Variants in PCDH9 observed in about 807,000 individuals in gnomAD.
The protein encoded by PCDH9 is protocadherin 9.
Under a neutral mutation model 70.6 loss-of-function variants are expected in PCDH9, and 24 were observed. The ratio of observed to expected loss-of-function variants is 0.34; its 90% CI spans 0.25 to 0.48. PCDH9 has a LOEUF of 0.48. PCDH9 is among the 20% of genes least tolerant of loss of function. The probability of loss-of-function intolerance (pLI) is 0.99; values close to 1 mark genes in which losing one functional copy is unlikely to be tolerated. For missense variants in PCDH9, 1,281 were observed against 1,503.6 expected (o/e 0.85, Z 2.45); for synonymous variants, 562 against 558.5 (o/e 1.01, Z -0.09).
At chr13:66,407,768 C>A (rs1420858725) in intron 4 of PCDH9, among the ~76,000 whole-genome samples, 4 of 152,060 alleles carry the variant, frequency 2.6e-5, no homozygotes. Flanking sequence ...TTCTTGACAT[C>A]CCTGATTATT....
intron 4 of PCDH9, among the ~76,000 whole-genome samples, chr13:66,394,291 T>A (rs987666245): frequency 2.0e-5 from 3 of 152,194 alleles, no homozygotes; most frequent in African/African-American, 7.2e-5. Context: ...TTAAGAAATA[T>A]CAGCATCTAG....
At position 67,226,396 on chromosome 13, in the gene PCDH9, G is replaced by T. The variant is rs938062350; in HGVS notation, c.2045C>A (p.Thr682Asn). ...SPVVISPPSN[T>N]SFKLVPLSAI... Reference sequence around the variant, plus strand: ...TGAGAGGGGCACCAACTTAAAGGAAGTATTAGACGGTGGAGAAATGACAAC... The same window carrying T: ...TGAGAGGGGCACCAACTTAAAGGAATTATTAGACGGTGGAGAAATGACAAC... The change falls in exon 2 of 5, where the codon ACT becomes AAT. Residue 682 changes from threonine to asparagine, a missense_variant. Physicochemically the swap from Thr to Asn is moderately conservative, Grantham distance 65. Transcript: ENST00000377865. The surrounding 1 kb of genome is among the most constrained non-coding windows in gnomAD (Gnocchi z 5.0). The T allele has an allele frequency of 1.2e-6, 2 of 1,614,188 alleles. No individual in the cohort carries two copies. The highest frequency in any genetic ancestry group is 1.7e-6 in the Non-Finnish European group (2 of 1,180,030).
intron 4 of PCDH9, among the ~76,000 whole-genome samples, chr13:66,310,435 G>C (rs1166893880): frequency 2.0e-5 from 3 of 152,004 alleles, no homozygotes; most frequent in African/African-American, 4.8e-5. Context: ...TTAAGTAGTA[G>C]AATACTTGAG....
intron 2 of PCDH9, among the ~76,000 whole-genome samples, chr13:67,135,985 T>C (rs1018233171): frequency 7.2e-5 from 11 of 152,034 alleles, no homozygotes; most frequent in Admixed American, 4.6e-4. Context: ...TACTACTTCC[T>C]CCCCATCCAT....
chr13:66,595,655 T>C (rs1227431736), intron 4 of PCDH9, among the ~76,000 whole-genome samples: 5 of 151,742 alleles, frequency 3.3e-5, no homozygotes, highest in Admixed American at 1.3e-4. Flanking sequence ...ATGACAAAAG[T>C]AGCCAGAAAC....
At chr13:66,932,864 A>G (rs982808581) in intron 2 of PCDH9, among the ~76,000 whole-genome samples, 1 of 151,198 alleles carries the variant, frequency 6.6e-6, no homozygotes, top group Admixed American at 6.6e-5. Flanking sequence ...AATGTTCAGC[A>G]ATGTGCCAAA....
At chr13:66,430,759 A>T (rs114725957) in intron 4 of PCDH9, among the ~76,000 whole-genome samples, 1,927 of 152,162 alleles carry the variant, frequency 0.013, 42 homozygotes, top group African/African-American at 0.045. Context: ...CTTACATATA[A>T]ACAATTATTT....
At chr13:66,514,770 G>T (rs768305459) in intron 4 of PCDH9, among the ~76,000 whole-genome samples, 1 of 151,994 alleles carries the variant, frequency 6.6e-6, no homozygotes, top group Non-Finnish European at 1.5e-5. Context: ...TTTTCTGCCT[G>T]CTACATAATG....
At chr13:66,927,743 A>C (rs2139654939) in intron 2 of PCDH9, among the ~76,000 whole-genome samples, 1 of 151,990 alleles carries the variant, frequency 6.6e-6, no homozygotes, top group Non-Finnish European at 1.5e-5. Context: ...TCTTATAAGG[A>C]CACCAGTCAT....
intron 3 of PCDH9, among the ~76,000 whole-genome samples, chr13:66,730,897 T>TTTTTTTTTTTTTTGTTTTG (rs1555262885): frequency 3.2e-4 from 41 of 129,124 alleles, no homozygotes; most frequent in Non-Finnish European, 5.3e-4. Context: ...GTTTGTTTCT[T>TTTTTTTTTTTTTTGTTTTG]TTTTTTTGTG....
chr13:67,214,199 T>C (rs983409972), intron 2 of PCDH9: 1 of 152,232 alleles, frequency 6.6e-6, no homozygotes, highest in African/African-American at 2.4e-5. Flanking sequence ...ATAAAATGAA[T>C]ATAAGTTAAA....
At chr13:66,579,127 T>G (rs2076855184) in intron 4 of PCDH9, among the ~76,000 whole-genome samples, 1 of 152,100 alleles carries the variant, frequency 6.6e-6, no homozygotes, top group Admixed American at 6.6e-5. Context: ...ATTCTACAGG[T>G]ACGTGGTTCC....
intron 2 of PCDH9, among the ~76,000 whole-genome samples, chr13:67,000,500 A>G (rs1331126494): frequency 6.6e-6 from 1 of 151,830 alleles, no homozygotes; most frequent in Non-Finnish European, 1.5e-5. Flanking sequence ...AATAAAATAA[A>G]AAAAAGACTT....
chr13:66,517,667 C>A (rs1283634451), intron 4 of PCDH9, among the ~76,000 whole-genome samples: 1 of 152,066 alleles, frequency 6.6e-6, no homozygotes, highest in Non-Finnish European at 1.5e-5. Flanking sequence ...CATTGCCTAT[C>A]CCTTCTAAAC....
chr13:66,541,737 G>A (rs867229605), intron 4 of PCDH9, among the ~76,000 whole-genome samples: 13 of 152,084 alleles, frequency 8.5e-5, no homozygotes, highest in South Asian at 2.1e-4. Flanking sequence ...CAAATAACAG[G>A]GCCACATTCT....
intron 2 of PCDH9, among the ~76,000 whole-genome samples, chr13:67,102,935 A>AT (rs2086463751): frequency 6.6e-6 from 1 of 152,166 alleles, no homozygotes; most frequent in Non-Finnish European, 1.5e-5. Context: ...CTCCTCACAC[A>AT]TAAAAATACA....
chr13:66,786,114 G>T lies in PCDH9; in HGVS notation c.3138+117390C>A, dbSNP rs539799131. On this transcript the variant is annotated intron_variant, in intron 3 of 4. Coordinates refer to ENST00000377865, the MANE Select transcript of PCDH9 (RefSeq NM_203487.3). ...TGATAGCCTAATCAATGTTCCCCTG[G>T]TTACATGGCTAATTAGCACCCATGG... is the stretch of plus-strand genomic sequence containing the variant. Among the ~76,000 whole-genome samples the T allele has an allele frequency of 2.6e-5, 4 of 152,138 alleles. No homozygotes were observed. In the East Asian group the frequency reaches 7.7e-4, roughly 29 times the overall value.
At chr13:66,809,441 AAT>A (rs1345421373) in intron 3 of PCDH9, among the ~76,000 whole-genome samples, 1 of 152,180 alleles carries the variant, frequency 6.6e-6, no homozygotes, top group Non-Finnish European at 1.5e-5. Flanking sequence ...TCTACTCTGC[AAT>A]ATATAACATT....
At chr13:66,338,309 G>A (rs1306657382) in intron 4 of PCDH9, among the ~76,000 whole-genome samples, 2 of 151,910 alleles carry the variant, frequency 1.3e-5, no homozygotes, top group Non-Finnish European at 2.9e-5. Context: ...ATGTGCACTG[G>A]AACATGAGCT....
Sources: gnomAD v4.1 joint callset for allele counts (sites outside exome capture counted in the v4.1 genomes callset) on GRCh38, gnomAD v4.1.1 for gene constraint, Gnocchi (gnomAD v3.1) non-coding constraint, MANE v1.5 for transcripts, NCBI Gene and HGNC (gene_info 2026-07-23, HGNC 2026-07-21) for gene names.